The following ITGA11 variants were observed in gnomAD, a reference collection of about 807,000 sequenced individuals.
ITGA11 encodes integrin alpha-11.
Under a neutral mutation model 141.9 loss-of-function variants are expected in ITGA11, and 97 were observed. The ratio of observed to expected loss-of-function variants is 0.68; its 90% CI spans 0.58 to 0.81. ITGA11 has a LOEUF of 0.81. ITGA11 is among the 30% of genes least tolerant of loss of function. ITGA11 has a pLI of 0.00. For missense variants in ITGA11, 1,387 were observed against 1,559.2 expected, an observed-to-expected ratio of 0.89 and a Z score of 1.86; for synonymous variants, 658 against 624.6, an observed-to-expected ratio of 1.05 and a Z score of -0.80.
intron 2 of ITGA11, among the ~76,000 whole-genome samples, chr15:68,394,091 C>T (rs920828134): frequency 1.3e-5 from 2 of 152,136 alleles, no homozygotes; most frequent in Admixed American, 1.3e-4. Context: ...AACATCTATG[C>T]AAACAAACTA....
At position 68,412,979 on chromosome 15, in the gene ITGA11, G is replaced by A. The variant is rs117056110; in HGVS notation, c.53-9950C>T. 5.6e-4 allele frequency among the ~76,000 whole-genome samples: 85 copies of A among 152,208 alleles called. No homozygotes were observed. The East Asian group carries it at 9.9e-3, about 18-fold the overall frequency. ...GCGTGAGCCACTGGCACCCAGCCAGGACTTTATCTTTAAGAACAAGCAGGA... is the reference window on the plus strand; with the variant it reads ...GCGTGAGCCACTGGCACCCAGCCAGAACTTTATCTTTAAGAACAAGCAGGA... On this transcript the variant is annotated intron_variant, in intron 1 of 29. Transcript: ENST00000315757.
Position 68,335,691 on chromosome 15 carries a change from C to T in ITGA11, c.1425+6G>A, listed in dbSNP as rs566081506. The T allele has an allele frequency of 2.5e-6, 4 of 1,613,378 alleles. No homozygotes were observed. Among genetic ancestry groups the T allele is most frequent in the Admixed American group, 1.7e-5 (1 of 59,968 alleles). On this transcript the variant is annotated splice_donor_region_variant and intron_variant, in intron 12 of 29. Transcript: ENST00000315757. The surrounding 1 kb of genome is among the most constrained non-coding windows in gnomAD (Gnocchi z 4.9). ...CCATCCCGGCCCCAGGCTCCCCCTC[C>T]ATTACCTGCTGGCCCCGCATAGCCT...
chr15:68,391,206 G>A (rs990183160), intron 2 of ITGA11, among the ~76,000 whole-genome samples: 5 of 152,088 alleles, frequency 3.3e-5, no homozygotes, highest in African/African-American at 7.2e-5. Context: ...CTCAGCTCTC[G>A]GGGTCCCCAA....
chr15:68,378,146 T>C (rs112460725), intron 2 of ITGA11, among the ~76,000 whole-genome samples: 8,699 of 152,262 alleles, frequency 0.057, 774 homozygotes, highest in African/African-American at 0.19. Flanking sequence ...GAAGAAAAGA[T>C]GGCAGGCCGT....
intron 2 of ITGA11, among the ~76,000 whole-genome samples, chr15:68,389,932 T>A (rs529300334): frequency 6.6e-6 from 1 of 152,194 alleles, no homozygotes; most frequent in Non-Finnish European, 1.5e-5. Flanking sequence ...AAGCCCTGCA[T>A]TGGAGCTGCT....
At position 68,403,105 on chromosome 15, in the gene ITGA11, C is replaced by A. The variant is rs577023250; in HGVS notation, c.53-76G>T. The A allele has an allele frequency of 1.1e-5, 11 of 972,638 alleles. No individual in the cohort carries two copies. In the Admixed American group the frequency reaches 2.0e-4, roughly 18 times the overall value. 60.3% of individuals were successfully genotyped at this position (972,638 alleles called of 1,614,324 possible). A position where few individuals can be genotyped will look rare whatever the true frequency, so the allele number is the denominator to read the frequency against. ...GTGTAGGCCCTGGGCTGTGTCAGGACCCATTGGCAGGTCATGAACCTTGGA... is the reference window on the plus strand; with the variant it reads ...GTGTAGGCCCTGGGCTGTGTCAGGAACCATTGGCAGGTCATGAACCTTGGA... On this transcript the variant is annotated intron_variant, in intron 1 of 29. Coordinates refer to ENST00000315757, the MANE Select transcript of ITGA11 (RefSeq NM_001004439.2).
chr15:68,310,843 A>G, intron 26 of ITGA11, 151 bp downstream of exon 26: 1 of 624,456 alleles, frequency 1.6e-6, no homozygotes, highest in South Asian at 1.9e-5. Context: ...TTCCTCCTTC[A>G]GTTTTTTTCT....
intron 2 of ITGA11, among the ~76,000 whole-genome samples, chr15:68,372,505 C>A (rs915835415): frequency 6.6e-6 from 1 of 152,218 alleles, no homozygotes; most frequent in African/African-American, 2.4e-5. Flanking sequence ...TCACTGGCTG[C>A]GGGCTCCCAG....
At chr15:68,366,266 C>G (rs75973459) in intron 3 of ITGA11, among the ~76,000 whole-genome samples, 2,463 of 152,230 alleles carry the variant, frequency 0.016, 75 homozygotes, top group African/African-American at 0.056. Flanking sequence ...CCTCACGGTC[C>G]TGGGAGACCC....
chr15:68,382,092 T>G (rs1373109867), intron 2 of ITGA11, among the ~76,000 whole-genome samples: 1 of 152,220 alleles, frequency 6.6e-6, no homozygotes, highest in Non-Finnish European at 1.5e-5. Context: ...CAGATTTACT[T>G]TTCTCCTCTC....
At chr15:68,327,490 G>A (rs540433728) in intron 16 of ITGA11, among the ~76,000 whole-genome samples, 1 of 152,312 alleles carries the variant, frequency 6.6e-6, no homozygotes, top group East Asian at 1.9e-4. Context: ...GTCTGGTCCT[G>A]CTCCTTGGCT....
At chr15:68,306,396 G>A (rs1173106224) in intron 28 of ITGA11, among the ~76,000 whole-genome samples, 1 of 152,058 alleles carries the variant, frequency 6.6e-6, no homozygotes, top group East Asian at 1.9e-4. Flanking sequence ...TTGGATGCTG[G>A]GAACATTGCA....
chr15:68,385,501 G>A (rs1895963965), intron 2 of ITGA11, among the ~76,000 whole-genome samples: 2 of 152,224 alleles, frequency 1.3e-5, no homozygotes, highest in Non-Finnish European at 2.9e-5. Context: ...GTTGGCCTCT[G>A]GTTTTAGACA....
At chr15:68,390,538 A>T (rs572406859) in intron 2 of ITGA11, among the ~76,000 whole-genome samples, 1 of 152,072 alleles carries the variant, frequency 6.6e-6, no homozygotes, top group African/African-American at 2.4e-5. Flanking sequence ...TCTTTCAAAC[A>T]TGCAGCTTCC....
At chr15:68,388,028 C>T (rs1207230654) in intron 2 of ITGA11, among the ~76,000 whole-genome samples, 2 of 152,192 alleles carry the variant, frequency 1.3e-5, no homozygotes, top group African/African-American at 4.8e-5. Flanking sequence ...CCCTCCCCTG[C>T]ACCTGGATGG....
intron 1 of ITGA11, among the ~76,000 whole-genome samples, chr15:68,425,441 A>C (rs1018952782): frequency 3.9e-5 from 6 of 152,206 alleles, no homozygotes; most frequent in Admixed American, 3.9e-4. Context: ...CAAACTATTG[A>C]TGGGACTTTA....
intron 2 of ITGA11, among the ~76,000 whole-genome samples, chr15:68,394,501 A>C (rs1315185047): frequency 6.6e-6 from 1 of 152,128 alleles, no homozygotes; most frequent in Admixed American, 6.5e-5. Flanking sequence ...TTTAGAAAAG[A>C]AAAAGGGTCA....
chr15:68,355,792 A>G (rs1431449159), intron 7 of ITGA11, among the ~76,000 whole-genome samples: 2 of 152,082 alleles, frequency 1.3e-5, no homozygotes, highest in African/African-American at 4.8e-5. Flanking sequence ...AAACACGTCA[A>G]CTAACCCTAC....
chr15:68,354,875 T>G (rs1272247035), intron 7 of ITGA11, among the ~76,000 whole-genome samples: 1 of 152,188 alleles, frequency 6.6e-6, no homozygotes, highest in Non-Finnish European at 1.5e-5. Context: ...GGAAAAAACA[T>G]GCATTAAGAA....
Sources: gnomAD v4.1 joint callset for allele counts (sites outside exome capture counted in the v4.1 genomes callset) on GRCh38, gnomAD v4.1.1 for gene constraint, Gnocchi (gnomAD v3.1) non-coding constraint, MANE v1.5 for transcripts, NCBI Gene and HGNC (gene_info 2026-07-23, HGNC 2026-07-21) for gene names.